The following SMG6 variants were observed in gnomAD, a reference collection of about 807,000 sequenced individuals.
SMG6 encodes SMG6 nonsense mediated mRNA decay factor, also known as telomerase-binding protein EST1A.
SMG6 carries 66 observed loss-of-function variants against 142.2 expected under a neutral mutation model. That is an observed-to-expected ratio of 0.46 (90% CI 0.38 to 0.57). The LOEUF is 0.57. Ranked by LOEUF, SMG6 falls within the 20% of genes least tolerant of loss-of-function variation. The pLI is 0.00. For synonymous variants in SMG6, 779 were observed against 702.4 expected (o/e 1.11, Z -1.72); for missense variants, 1,793 against 1,832.0 (o/e 0.98, Z 0.39).
At chr17:2,157,462 G>A (rs995094271) in intron 13 of SMG6, among the ~76,000 whole-genome samples, 3 of 152,196 alleles carry the variant, frequency 2.0e-5, no homozygotes, top group Non-Finnish European at 2.9e-5. Context: ...TCCTCTGGAA[G>A]AGAGCAAAGA....
chr17:2,102,167 TC>T (rs1440205404), intron 13 of SMG6, among the ~76,000 whole-genome samples: 1 of 152,216 alleles, frequency 6.6e-6, no homozygotes, highest in Non-Finnish European at 1.5e-5. Flanking sequence ...ACTCTGAAGA[TC>T]TATATTCCTA....
chr17:2,176,147 C>T (rs1433815207), intron 12 of SMG6, among the ~76,000 whole-genome samples: 1 of 152,186 alleles, frequency 6.6e-6, no homozygotes, highest in Non-Finnish European at 1.5e-5. Flanking sequence ...TCAGCTTACC[C>T]CAATCAGGCC....
At chr17:2,156,643 G>A (rs969429350) in intron 13 of SMG6, among the ~76,000 whole-genome samples, 1 of 151,938 alleles carries the variant, frequency 6.6e-6, no homozygotes, top group African/African-American at 2.4e-5. Context: ...TCCTGTCTCT[G>A]TTTTGTTTTT....
intron 13 of SMG6, among the ~76,000 whole-genome samples, chr17:2,168,413 C>T (rs970489945): frequency 6.6e-6 from 1 of 152,016 alleles, no homozygotes; most frequent in African/African-American, 2.4e-5. Context: ...GAACTCCTAG[C>T]CTCAAGTGAT....
intron 4 of SMG6, 97 bp downstream of exon 4, chr17:2,297,146 T>A: frequency 1.3e-6 from 1 of 795,510 alleles, no homozygotes; most frequent in Non-Finnish European, 2.0e-6. Context: ...CATTATTTTA[T>A]CCTCAACACC....
chr17:2,273,295 C>A (rs2074578731), intron 8 of SMG6, among the ~76,000 whole-genome samples: 2 of 152,148 alleles, frequency 1.3e-5, no homozygotes, highest in Non-Finnish European at 2.9e-5. Flanking sequence ...GTGGGCGGAT[C>A]ACTTAAGGTC....
intron 13 of SMG6, among the ~76,000 whole-genome samples, chr17:2,120,097 C>T (rs1052751303): frequency 3.3e-5 from 5 of 152,178 alleles, no homozygotes; most frequent in South Asian, 2.1e-4. Context: ...CGTGAGCCAC[C>T]GCGCCCGGCC....
chr17:2,104,259 C>T lies in SMG6; in HGVS notation c.3358-18358G>A, dbSNP rs1022836169. ...AGCCACCGCGCCCGGCCACACCTGG[C>T]TAATTTTTGTATTTTTAGTACAGAC... On this transcript the variant is annotated intron_variant, in intron 13 of 18. Transcript: ENST00000263073. Among the ~76,000 whole-genome samples, 15 of 151,896 alleles carry T rather than the reference C, an allele frequency of 9.9e-5. No individual in the cohort carries two copies. In the East Asian group the frequency reaches 2.9e-3, roughly 29 times the overall value.
chr17:2,267,499 C>T (rs2074446787), intron 8 of SMG6, among the ~76,000 whole-genome samples: 1 of 152,050 alleles, frequency 6.6e-6, no homozygotes, highest in Non-Finnish European at 1.5e-5. Flanking sequence ...CTGTTCCCAG[C>T]AAGATATGGA....
intron 10 of SMG6, among the ~76,000 whole-genome samples, chr17:2,214,814 A>G (rs929042101): frequency 2.0e-5 from 3 of 152,216 alleles, no homozygotes; most frequent in Non-Finnish European, 4.4e-5. Context: ...AAGAAACCTG[A>G]TAAGAAAACC....
At chr17:2,233,475 G>A (rs1234297253) in intron 10 of SMG6, 3 of 152,474 alleles carry the variant, frequency 2.0e-5, no homozygotes, top group Admixed American at 6.5e-5. Flanking sequence ...CCCTGATGGT[G>A]GGTGGCAACT....
intron 8 of SMG6, among the ~76,000 whole-genome samples, chr17:2,248,883 T>C (rs1028270403): frequency 2.1e-5 from 3 of 144,512 alleles, no homozygotes; most frequent in African/African-American, 2.5e-5. Context: ...GACAGATACT[T>C]TGGAGAACTT....
intron 7 of SMG6, among the ~76,000 whole-genome samples, 153 bp downstream of exon 7, chr17:2,283,472 C>G (rs182568160): frequency 2.1e-4 from 32 of 152,280 alleles, no homozygotes; most frequent in African/African-American, 7.7e-4. Flanking sequence ...CACTATGAGT[C>G]ATTCCCCGAG....
At chr17:2,117,826 G>A (rs2069554113) in intron 13 of SMG6, 1 of 152,100 alleles carries the variant, frequency 6.6e-6, no homozygotes, top group Non-Finnish European at 1.5e-5. Flanking sequence ...TCTGATATTT[G>A]AAAAAAAGTA....
At chr17:2,264,932 T>C (rs2074389104) in intron 8 of SMG6, among the ~76,000 whole-genome samples, 1 of 151,922 alleles carries the variant, frequency 6.6e-6, no homozygotes. Flanking sequence ...CTTAAAATCT[T>C]GTATTCCACC....
intron 11 of SMG6, among the ~76,000 whole-genome samples, 190 bp downstream of exon 11, chr17:2,188,209 G>A (rs2072049655): frequency 6.6e-6 from 1 of 152,168 alleles, no homozygotes; most frequent in South Asian, 2.1e-4. Flanking sequence ...GGAGAAGAGG[G>A]CCTTAGAGGC....
intron 6 of SMG6, among the ~76,000 whole-genome samples, chr17:2,288,937 G>C (rs950757032): frequency 1.3e-5 from 2 of 150,904 alleles, no homozygotes; most frequent in Non-Finnish European, 3.0e-5. Flanking sequence ...AAATTAGCCG[G>C]GTGTGGTGGA....
At chr17:2,196,033 G>A (rs549970850) in intron 10 of SMG6, among the ~76,000 whole-genome samples, 5 of 152,258 alleles carry the variant, frequency 3.3e-5, no homozygotes, top group East Asian at 3.9e-4. Flanking sequence ...ACATGCCATC[G>A]TTTACAATAG....
chr17:2,199,950 C>T (rs2072463627), intron 10 of SMG6: 1 of 151,874 alleles, frequency 6.6e-6, no homozygotes, highest in East Asian at 1.9e-4. Flanking sequence ...GAGATGGAGT[C>T]TCACTCTGTC....
Sources: gnomAD v4.1 joint callset for allele counts (sites outside exome capture counted in the v4.1 genomes callset) on GRCh38, gnomAD v4.1.1 for gene constraint, MANE v1.5 for transcripts, NCBI Gene and HGNC (gene_info 2026-07-23, HGNC 2026-07-21) for gene names.